Variants in CDH13 observed in about 807,000 individuals in gnomAD.
The protein encoded by CDH13 is cadherin-13.
In CDH13, 24 loss-of-function variants were observed where a neutral mutation model predicts 63.8. That is an observed-to-expected ratio of 0.38 (90% CI 0.27 to 0.53). CDH13 has a LOEUF of 0.53. CDH13 is among the 20% of genes least tolerant of loss of function. CDH13 has a pLI of 0.85. For missense variants in CDH13, 1,049 were observed against 903.1 expected, an observed-to-expected ratio of 1.16 and a Z score of -2.07; for synonymous variants, 503 against 355.3, an observed-to-expected ratio of 1.42 and a Z score of -4.67.
chr16:82,771,393 A>G (rs1276131651), intron 1 of CDH13, among the ~76,000 whole-genome samples: 1 of 152,188 alleles, frequency 6.6e-6, no homozygotes, highest in Non-Finnish European at 1.5e-5. Context: ...AATTGGTACC[A>G]TTGGACCCAA....
At chr16:83,273,028 T>C (rs975345967) in intron 5 of CDH13, among the ~76,000 whole-genome samples, 4 of 152,148 alleles carry the variant, frequency 2.6e-5, no homozygotes, top group African/African-American at 9.7e-5. Context: ...GGCTGGTGCC[T>C]ACACAACAGG....
At chr16:83,095,339 CA>C (rs1402909774) in intron 3 of CDH13, among the ~76,000 whole-genome samples, 1 of 151,896 alleles carries the variant, frequency 6.6e-6, no homozygotes, top group African/African-American at 2.4e-5. Context: ...CAGGTACGGA[CA>C]AAAAAAGATA....
intron 7 of CDH13, among the ~76,000 whole-genome samples, chr16:83,538,645 C>T (rs558202517): frequency 3.4e-4 from 52 of 152,216 alleles, no homozygotes; most frequent in African/African-American, 9.9e-4. Context: ...GACTTAGTAG[C>T]GCTGACGATC....
intron 3 of CDH13, among the ~76,000 whole-genome samples, chr16:83,055,930 A>G (rs943293706): frequency 2.8e-4 from 43 of 151,782 alleles, no homozygotes; most frequent in Non-Finnish European, 4.6e-4. Flanking sequence ...TATACAGTGG[A>G]AAAAAAATCT....
At chr16:83,241,071 A>C (rs1904398343) in intron 5 of CDH13, among the ~76,000 whole-genome samples, 1 of 152,172 alleles carries the variant, frequency 6.6e-6, no homozygotes, top group South Asian at 2.1e-4. Context: ...GAATGTGTGG[A>C]TTCATACAGT....
intron 5 of CDH13, among the ~76,000 whole-genome samples, chr16:83,262,333 A>T (rs1187419355): frequency 1.3e-5 from 2 of 152,168 alleles, no homozygotes; most frequent in Non-Finnish European, 2.9e-5. Context: ...GTGTAATCAG[A>T]TGTGTAGGGA....
chr16:83,286,164 C>G (rs1265231286), intron 5 of CDH13, among the ~76,000 whole-genome samples: 1 of 152,236 alleles, frequency 6.6e-6, no homozygotes, highest in African/African-American at 2.4e-5. Flanking sequence ...CAGGTGATGA[C>G]TTACCCAAAC....
At chr16:82,877,949 A>ACACC (rs904828372) in intron 2 of CDH13, among the ~76,000 whole-genome samples, 6 of 135,766 alleles carry the variant, frequency 4.4e-5, no homozygotes, top group Admixed American at 8.5e-5. Context: ...ACACACACAC[A>ACACC]CACACACACA....
intron 4 of CDH13, among the ~76,000 whole-genome samples, chr16:83,191,526 CACACATAT>C (rs748161945): frequency 0.12 from 12,617 of 101,128 alleles, 689 homozygotes; most frequent in South Asian, 0.18. Context: ...CACACACACA[CACACATAT>C]ATATATATAT....
intron 1 of CDH13, among the ~76,000 whole-genome samples, chr16:82,729,029 A>C (rs1053665602): frequency 2.0e-5 from 3 of 152,174 alleles, no homozygotes; most frequent in Non-Finnish European, 4.4e-5. Flanking sequence ...ATGAGATTTC[A>C]GCAATTCAGT....
At chr16:82,737,405 C>T (rs1057483380) in intron 1 of CDH13, among the ~76,000 whole-genome samples, 4 of 152,162 alleles carry the variant, frequency 2.6e-5, no homozygotes, top group South Asian at 4.1e-4. Context: ...TTTCACCCAC[C>T]GTTGTGTGAT....
At chr16:83,418,714 A>G (rs1355332258) in intron 6 of CDH13, among the ~76,000 whole-genome samples, 4 of 152,160 alleles carry the variant, frequency 2.6e-5, no homozygotes, top group African/African-American at 7.2e-5. Flanking sequence ...GAGACAGAGA[A>G]TATCATGGTG....
At chr16:82,737,543 C>A (rs1400304542) in intron 1 of CDH13, among the ~76,000 whole-genome samples, 2 of 152,164 alleles carry the variant, frequency 1.3e-5, no homozygotes, top group Non-Finnish European at 2.9e-5. Flanking sequence ...ACCACTGCCC[C>A]AACGGTCTTG....
At chr16:83,759,642 C>T (rs1478670519) in intron 11 of CDH13, among the ~76,000 whole-genome samples, 1 of 152,068 alleles carries the variant, frequency 6.6e-6, no homozygotes, top group East Asian at 1.9e-4. Context: ...AGAAATGCTG[C>T]AGGCCTGGTA....
intron 8 of CDH13, among the ~76,000 whole-genome samples, chr16:83,635,990 G>T (rs1355871863): frequency 6.6e-6 from 1 of 152,036 alleles, no homozygotes; most frequent in Admixed American, 6.5e-5. Flanking sequence ...TATGTAAAGT[G>T]TAAGGTTTAG....
chr16:82,970,175 G>T (rs112521080), intron 2 of CDH13, among the ~76,000 whole-genome samples: 1 of 151,908 alleles, frequency 6.6e-6, no homozygotes, highest in Non-Finnish European at 1.5e-5. Flanking sequence ...GAGAACATGT[G>T]GTATTTGGTT....
rs1482066450 is a variant in CDH13 at position 83,586,367 on chromosome 16, G to A, written c.961-16087G>A. 2.6e-5 allele frequency among the ~76,000 whole-genome samples: 4 copies of A among 152,182 alleles called. No homozygotes were observed. The South Asian group carries it at 8.3e-4, about 32-fold the overall frequency. On this transcript the variant is annotated intron_variant, in intron 7 of 13. Transcript: ENST00000567109. The stretch of plus-strand genomic sequence containing the variant: ...TTGAAAATGGCTCTGGAGGAGGGGC[G>A]GAGGAAAGGCAGAGACTCCGTTTAT...
At chr16:83,108,422 C>G (rs1346839685) in intron 3 of CDH13, among the ~76,000 whole-genome samples, 3 of 152,134 alleles carry the variant, frequency 2.0e-5, no homozygotes, top group East Asian at 1.9e-4. Flanking sequence ...AGTTATTGGA[C>G]AAAAAGGAAT....
At chr16:83,440,084 A>G (rs184254144) in intron 6 of CDH13, among the ~76,000 whole-genome samples, 2 of 152,218 alleles carry the variant, frequency 1.3e-5, no homozygotes, top group South Asian at 2.1e-4. Flanking sequence ...AAAGTTTGTC[A>G]TTTTAAAAAG....
Sources: gnomAD v4.1 joint callset for allele counts (sites outside exome capture counted in the v4.1 genomes callset) on GRCh38, gnomAD v4.1.1 for gene constraint, MANE v1.5 for transcripts, NCBI Gene and HGNC (gene_info 2026-07-23, HGNC 2026-07-21) for gene names.